The following COP1 variants were observed in gnomAD, a reference collection of about 807,000 sequenced individuals.
COP1 encodes E3 ubiquitin-protein ligase COP1.
In COP1, 24 loss-of-function variants were observed where a neutral mutation model predicts 101.3. The observed-to-expected ratio is 0.24, with a 90% confidence interval of 0.17 to 0.33. The LOEUF (loss-of-function observed/expected upper bound fraction) is 0.33, where lower values mean the gene tolerates loss of function less well. Ranked by LOEUF, COP1 falls within the 10% of genes least tolerant of loss-of-function variation. The pLI is 1.00. For missense variants in COP1, 663 were observed against 906.2 expected, an observed-to-expected ratio of 0.73 and a Z score of 3.45; for synonymous variants, 347 against 341.9, an observed-to-expected ratio of 1.01 and a Z score of -0.17.
chr1:176,102,868 G>T (rs1010299136), intron 9 of COP1, among the ~76,000 whole-genome samples: 2 of 152,130 alleles, frequency 1.3e-5, no homozygotes, highest in Non-Finnish European at 2.9e-5. Flanking sequence ...CCCAGGAATT[G>T]ACTCAGTGCA....
At chr1:175,953,858 T>C (rs1650275151) in intron 18 of COP1, among the ~76,000 whole-genome samples, 1 of 150,540 alleles carries the variant, frequency 6.6e-6, no homozygotes, top group South Asian at 2.1e-4. Context: ...GTTTGGAACT[T>C]TTAACAGTCA....
chr1:176,166,118 T>C (rs572950367), intron 3 of COP1, among the ~76,000 whole-genome samples: 101 of 152,054 alleles, frequency 6.6e-4, no homozygotes, highest in Non-Finnish European at 1.1e-3. Context: ...CAAGCCTGTA[T>C]TTATTTATTT....
chr1:176,042,137 G>A (rs1025826778), intron 14 of COP1, among the ~76,000 whole-genome samples: 3 of 151,610 alleles, frequency 2.0e-5, no homozygotes, highest in South Asian at 2.1e-4. Context: ...CGAGTGTGGC[G>A]GTGCACACCT....
At chr1:176,200,203 T>C (rs949601198) in intron 1 of COP1, among the ~76,000 whole-genome samples, 6 of 152,208 alleles carry the variant, frequency 3.9e-5, no homozygotes, top group African/African-American at 1.4e-4. Context: ...ACCTTTAAAA[T>C]AGTGCCTGGC....
intron 5 of COP1, among the ~76,000 whole-genome samples, chr1:176,154,603 G>A (rs556161997): frequency 3.3e-5 from 5 of 152,252 alleles, no homozygotes; most frequent in Admixed American, 2.0e-4. Context: ...TGGACACATA[G>A]AGGGGAACAA....
intron 3 of COP1, among the ~76,000 whole-genome samples, chr1:176,173,576 G>T (rs1696438858): frequency 1.3e-5 from 2 of 151,536 alleles, no homozygotes; most frequent in Middle Eastern, 6.8e-3. Context: ...GGAGATCAAG[G>T]CTGCAGTGAG....
At chr1:175,980,414 A>G (rs550594376) in intron 18 of COP1, among the ~76,000 whole-genome samples, 1 of 152,336 alleles carries the variant, frequency 6.6e-6, no homozygotes, top group African/African-American at 2.4e-5. Context: ...TTCATCATAT[A>G]ACAAAAAAGT....
At chr1:176,092,124 T>C (rs1681442521) in intron 9 of COP1, among the ~76,000 whole-genome samples, 3 of 152,248 alleles carry the variant, frequency 2.0e-5, no homozygotes, top group African/African-American at 7.2e-5. Flanking sequence ...CAATGGGAGA[T>C]AAATCTGCAA....
At chr1:176,001,928 G>A (rs937127729) in intron 15 of COP1, among the ~76,000 whole-genome samples, 1 of 152,076 alleles carries the variant, frequency 6.6e-6, no homozygotes, top group South Asian at 2.1e-4. Context: ...CCTGCTGGCA[G>A]TAATGATTTC....
intron 11 of COP1, among the ~76,000 whole-genome samples, chr1:176,062,800 T>C (rs1397215412): frequency 1.3e-5 from 2 of 151,990 alleles, no homozygotes; most frequent in Non-Finnish European, 2.9e-5. Context: ...ATTTAGACAA[T>C]AAAATACTAC....
At chr1:176,084,260 C>T (rs912981676) in intron 10 of COP1, among the ~76,000 whole-genome samples, 13 of 152,244 alleles carry the variant, frequency 8.5e-5, no homozygotes, top group African/African-American at 2.4e-4. Context: ...TGAGCCACTG[C>T]GCCCGGACTG....
In COP1 at chr1:176,081,274, A is replaced by G. The variant is rs1679084573; in HGVS notation, c.1155T>C (p.Thr385=). Reference sequence around the variant, plus strand: ...CCTGAAATTCATCCAACTGGCTTGCAGTTCGACTGTCATCTATATGAAAAA... The same window carrying G: ...CCTGAAATTCATCCAACTGGCTTGCGGTTCGACTGTCATCTATATGAAAAA... ...RMSRISDDSR[T]ASQLDEFQEC... is the part of the protein sequence containing the mutation. Residue 385 remains threonine, a synonymous_variant, in exon 11 of 20, where the codon ACT becomes ACC. Coordinates refer to ENST00000367669, the MANE Select transcript of COP1 (RefSeq NM_022457.7). 4 of 1,594,952 alleles carry G rather than the reference A, an allele frequency of 2.5e-6. No homozygotes were observed. The highest frequency in any genetic ancestry group is 1.4e-5 in the African/African-American group (1 of 73,816).
At chr1:176,031,208 T>A (rs1397552183) in intron 14 of COP1, among the ~76,000 whole-genome samples, 1 of 152,216 alleles carries the variant, frequency 6.6e-6, no homozygotes, top group Non-Finnish European at 1.5e-5. Context: ...TTTCTTATGG[T>A]AGCCCTAAAA....
At chr1:175,949,959 C>T (rs7552181) in intron 18 of COP1, among the ~76,000 whole-genome samples, 114,346 of 151,966 alleles carry the variant, frequency 0.75, 44,906 homozygotes, top group East Asian at 0.92. Flanking sequence ...AGTATATTAT[C>T]TTACAGTATG....
chr1:176,028,447 C>T (rs1425576833), intron 14 of COP1, among the ~76,000 whole-genome samples: 1 of 150,364 alleles, frequency 6.7e-6, no homozygotes, highest in Admixed American at 6.7e-5. Context: ...GGCCTGTAGT[C>T]CTGGCTACTC....
chr1:176,014,417 A>G (rs1665253162), intron 15 of COP1, among the ~76,000 whole-genome samples: 1 of 152,192 alleles, frequency 6.6e-6, no homozygotes, highest in South Asian at 2.1e-4. Context: ...CTTTATCTCT[A>G]TTAAATGGAA....
intron 3 of COP1, among the ~76,000 whole-genome samples, chr1:176,172,416 C>A (rs1470480623): frequency 6.6e-6 from 1 of 152,154 alleles, no homozygotes; most frequent in Non-Finnish European, 1.5e-5. Context: ...ATGCACGGAT[C>A]ATCACTTTTC....
intron 18 of COP1, among the ~76,000 whole-genome samples, chr1:175,954,375 A>G (rs1280629394): frequency 1.3e-5 from 2 of 152,186 alleles, no homozygotes; most frequent in Non-Finnish European, 1.5e-5. Flanking sequence ...CTAGGAAAAG[A>G]GCAAGTTACA....
intron 8 of COP1, among the ~76,000 whole-genome samples, chr1:176,125,863 T>A (rs1687902297): frequency 6.6e-6 from 1 of 152,208 alleles, no homozygotes; most frequent in Non-Finnish European, 1.5e-5. Flanking sequence ...TAACATGGCA[T>A]ACCTTTCCAG....
Sources: gnomAD v4.1 joint callset for allele counts (sites outside exome capture counted in the v4.1 genomes callset) on GRCh38, gnomAD v4.1.1 for gene constraint, MANE v1.5 for transcripts, NCBI Gene and HGNC (gene_info 2026-07-23, HGNC 2026-07-21) for gene names.